The following PLXNB1 variants were observed in gnomAD, a reference collection of about 807,000 sequenced individuals.
PLXNB1 encodes plexin-B1.
Under a neutral mutation model 209.4 loss-of-function variants are expected in PLXNB1, and 106 were observed. That is an observed-to-expected ratio of 0.51 (90% CI 0.43 to 0.59). PLXNB1 has a LOEUF of 0.59. Among genes scored for constraint, PLXNB1 ranks in the 20% least tolerant of loss-of-function variants. PLXNB1 has a pLI of 0.00. For missense variants in PLXNB1, 2,357 were observed against 2,853.2 expected (o/e 0.83, Z 3.96); for synonymous variants, 1,167 against 1,183.2 (o/e 0.99, Z 0.28).
At position 48,415,362 on chromosome 3, in the gene PLXNB1, G is replaced by A. The variant is rs763176436; in HGVS notation, c.3795-15C>T. The A allele has an allele frequency of 3.7e-6, 6 of 1,610,196 alleles. No individual in the cohort carries two copies. The highest frequency in any genetic ancestry group is 1.3e-5 in the African/African-American group (1 of 74,946). The stretch of plus-strand genomic sequence containing the variant: ...CACGTCCTCCACTGAAACAGACCGT[G>A]AGCTTACGTAACGTAAGATGGCTTA... On this transcript the variant is annotated splice_polypyrimidine_tract_variant and intron_variant, in intron 19 of 37. Coordinates refer to ENST00000296440, the MANE Select transcript of PLXNB1 (RefSeq NM_001130082.3). The surrounding 1 kb of genome is among the most constrained non-coding windows in gnomAD (Gnocchi z 5.0).
rs773505268 is a variant in PLXNB1, at chr3:48,423,867, A to G, written c.745T>C (p.Ser249Pro). 6.2e-7 allele frequency: 1 copy of G among 1,613,986 alleles called. No individual in the cohort carries two copies. Residue 249 changes from serine (S) to proline (P), a missense_variant, in exon 3 of 38, where the codon TCT (serine) becomes CCT (proline). By Grantham distance (74) the Ser-to-Pro change is moderately conservative (BLOSUM62 -1). Around this residue, in one of 7 missense-constraint regions of PLXNB1, gnomAD observed 404 missense variants for 443.6 expected, o/e 0.91. Transcript: ENST00000296440. ...AQSRAFRAYV[S>P]RVCLRDQHYY... ...TGCTGGTCCCGGAGACACACTCGAG[A>G]TACATAGGCACGAAAAGCTCTAGAC...
intron 2 of PLXNB1, 148 bp from the exon 3 acceptor site, chr3:48,424,765 C>T: frequency 1.3e-6 from 1 of 782,404 alleles, no homozygotes; most frequent in Non-Finnish European, 2.0e-6. Context: ...CTTAGATAGG[C>T]ACTATGTCCA....
Position 48,413,736 on chromosome 3 carries a change from T to C in PLXNB1, c.4469A>G (p.Gln1490Arg). 1 of 1,613,604 alleles carries C rather than the reference T, an allele frequency of 6.2e-7. No homozygotes were observed. The highest frequency in any genetic ancestry group is 8.5e-7 in the Non-Finnish European group (1 of 1,180,004). ...AGAGGTGCCCACCCCCAAGCCCACC[T>C]GGGCTGCCACAGGAAAAGCCCCAGG... The part of the protein sequence containing the change: ...ESPGAFPVAA[Q>R]VGLGVGTSLL... Residue 1490 changes from glutamine to arginine, a missense_variant, in exon 23 of 38, where the codon CAG becomes CGG. Physicochemically the swap from Gln to Arg is conservative, Grantham distance 43. Coordinates refer to ENST00000296440, the MANE Select transcript of PLXNB1 (RefSeq NM_001130082.3). The surrounding 1 kb of genome is among the most constrained non-coding windows in gnomAD (Gnocchi z 5.4).
chr3:48,421,920 G>A, intron 6 of PLXNB1, 114 bp from the exon 7 acceptor site: 5 of 1,469,678 alleles, frequency 3.4e-6, no homozygotes, highest in Non-Finnish European at 4.6e-6. Flanking sequence ...GGGCATGATA[G>A]AGGCTCCTGT....
rs1165716118 is a variant in PLXNB1, at chr3:48,421,798, CGACTGCACCTGGGCGAGAT to C, written c.1521-11_1528del. The C allele has an allele frequency of 6.3e-7, 1 of 1,597,032 alleles. No individual in the cohort carries two copies. Among genetic ancestry groups the C allele is most frequent in the African/African-American group, 1.3e-5 (1 of 74,580 alleles). On this transcript the variant is annotated splice_acceptor_variant and splice_polypyrimidine_tract_variant and coding_sequence_variant and intron_variant, in exon 7 of 38. Transcript: ENST00000296440. LOFTEE classifies it high-confidence loss of function. The stretch of plus-strand genomic sequence containing the variant: ...CTGGCCCCTCGAGCACTCAGAACGG[CGACTGCACCTGGGCGAGAT>C]GACCAGTGTCTATCTGTGACCCTCA...
At position 48,420,954 on chromosome 3, in the gene PLXNB1, A is replaced by G. The variant is rs750793306; in HGVS notation, c.1813T>C (p.Tyr605His). Residue 605 changes from tyrosine to histidine, a missense_variant and splice_region_variant, in exon 9 of 38, where the codon TAC becomes CAC. By Grantham distance (83) the Tyr-to-His change is moderately conservative (BLOSUM62 2). Around this residue, in one of 7 missense-constraint regions of PLXNB1, gnomAD observed 214 missense variants for 297.1 expected, o/e 0.72. Coordinates refer to ENST00000296440, the MANE Select transcript of PLXNB1 (RefSeq NM_001130082.3). Reference sequence around the variant, plus strand: ...CTGAGCTCCACGCTCACGGATACGTAGTCTGCAGAGGGGGAGAGAGGGCCA... The same window carrying G: ...CTGAGCTCCACGCTCACGGATACGTGGTCTGCAGAGGGGGAGAGAGGGCCA... ...EAPVLPRGAD[Y>H]VSVSVELRFG... 6.2e-7 allele frequency: 1 copy of G among 1,611,884 alleles called. No homozygotes were observed. The highest frequency in any genetic ancestry group is 8.5e-7 in the Non-Finnish European group (1 of 1,178,162).
rs1326799255 is a variant in PLXNB1 at position 48,405,197 on chromosome 3, C to T, written c.6303+527G>A. ...CATCTCTGAGCAGCAATAGCCATGT[C>T]ACTGGTGCCACACAAACATCTAAGT... On this transcript the variant is annotated intron_variant, in intron 37 of 37. Transcript: ENST00000296440. This position sits in a 1 kb window ranked among gnomAD's most constrained non-coding sequence, Gnocchi z 5.0. 6.6e-6 allele frequency among the ~76,000 whole-genome samples: 1 copy of T among 152,224 alleles called. No individual in the cohort carries two copies. Among genetic ancestry groups the T allele is most frequent in the Non-Finnish European group, 1.5e-5 (1 of 68,028 alleles).
intron 1 of PLXNB1, among the ~76,000 whole-genome samples, chr3:48,428,805 G>A (rs1334408221): frequency 1.3e-5 from 2 of 152,160 alleles, no homozygotes; most frequent in Non-Finnish European, 2.9e-5. Context: ...TGTGTGGAGA[G>A]GAGGGTCCCC....
chr3:48,428,060 G>A lies in PLXNB1; in HGVS notation c.-60+1948C>T, dbSNP rs556019705. Among the ~76,000 whole-genome samples the A allele has an allele frequency of 2.6e-5, 4 of 152,270 alleles. No individual in the cohort carries two copies. The South Asian group carries it at 8.3e-4, about 32-fold the overall frequency. On this transcript the variant is annotated intron_variant, in intron 1 of 37. Coordinates refer to ENST00000296440, the MANE Select transcript of PLXNB1 (RefSeq NM_001130082.3). ...CTTGAAGGCAGGGAGTATGGCTTCT[G>A]ATTCAGAGGCCCCAGCAACTTACAC...
chr3:48,405,773 C>T lies in PLXNB1; in HGVS notation c.6254G>A (p.Arg2085Gln), dbSNP rs752153932. Reference sequence around the variant, plus strand: ...CTTGTAGAGTTCATGCAGGGCCACTCGCGCCCCGAGGTCTCCGGAGTAGTT... The same window carrying T: ...CTTGTAGAGTTCATGCAGGGCCACTTGCGCCCCGAGGTCTCCGGAGTAGTT... The part of the protein sequence containing the change: ...SWNYSGDLGA[R>Q]VALHELYKYI... The change falls in exon 37 of 38, where the codon CGA becomes CAA. Residue 2085 changes from arginine (R) to glutamine (Q), a missense_variant. By Grantham distance (43) the Arg-to-Gln change is conservative. Coordinates refer to ENST00000296440, the MANE Select transcript of PLXNB1 (RefSeq NM_001130082.3). This position sits in a 1 kb window ranked among gnomAD's most constrained non-coding sequence, Gnocchi z 5.0. 47 of 1,613,542 alleles carry T rather than the reference C, an allele frequency of 2.9e-5. No individual in the cohort carries two copies. The highest frequency in any genetic ancestry group is 1.6e-4 in the Middle Eastern group (1 of 6,076).
intron 1 of PLXNB1, among the ~76,000 whole-genome samples, chr3:48,428,418 C>T (rs560839528): frequency 1.3e-5 from 2 of 152,286 alleles, no homozygotes; most frequent in African/African-American, 4.8e-5. Context: ...TCTTCTGGGG[C>T]CACCCTACTC....
At position 48,405,794 on chromosome 3, in the gene PLXNB1, T is replaced by C; in HGVS notation, c.6233A>G (p.Tyr2078Cys). ...NSVLAELSWNYSGDLGARVAL... is the reference protein window; with the variant it reads ...NSVLAELSWNCSGDLGARVAL... ...CACTCGCGCCCCGAGGTCTCCGGAG[T>C]AGTTCTAGGGAAGAGGCCAAATGAA... The change falls in exon 37 of 38, where the codon TAC becomes TGC. Residue 2078 changes from tyrosine to cysteine, a missense_variant. Transcript: ENST00000296440. This position sits in a 1 kb window ranked among gnomAD's most constrained non-coding sequence, Gnocchi z 5.0. 2 of 1,612,572 alleles carry C rather than the reference T, an allele frequency of 1.2e-6. No individual in the cohort carries two copies. Among genetic ancestry groups the C allele is most frequent in the African/African-American group, 2.7e-5 (2 of 74,780 alleles).
Position 48,412,016 on chromosome 3 carries a change from G to C in PLXNB1, c.5101-7C>G. 1 of 1,613,778 alleles carries C rather than the reference G, an allele frequency of 6.2e-7. No individual in the cohort carries two copies. Among genetic ancestry groups the C allele is most frequent in the Non-Finnish European group, 8.5e-7 (1 of 1,179,868 alleles). Reference sequence around the variant, plus strand: ...GAGGCTCCCCTACGGAGTCCTAGGAGAGCACAGGCAGTTAGGGCCCCCCAG... The same window carrying C: ...GAGGCTCCCCTACGGAGTCCTAGGACAGCACAGGCAGTTAGGGCCCCCCAG... On this transcript the variant is annotated splice_polypyrimidine_tract_variant and splice_region_variant and intron_variant, in intron 27 of 37. Coordinates refer to ENST00000296440, the MANE Select transcript of PLXNB1 (RefSeq NM_001130082.3).
At chr3:48,414,217 G>A (rs6794875) in intron 21 of PLXNB1, 146 bp from the exon 22 acceptor site, 389,552 of 688,614 alleles carry the variant, frequency 0.57, 112,260 homozygotes, top group Admixed American at 0.7. Context: ...CCAGTCACAC[G>A]GTGTCCTCCA....
chr3:48,409,178 T>G lies in PLXNB1; in HGVS notation c.6087+151A>C. ...CCTCCTCTTGCTCATCCCTTAAAAC[T>G]GAGGTGGCCCCGGGATGAAGCCTTG... On this transcript the variant is annotated intron_variant, in intron 34 of 37. Coordinates refer to ENST00000296440, the MANE Select transcript of PLXNB1 (RefSeq NM_001130082.3). This position sits in a 1 kb window ranked among gnomAD's most constrained non-coding sequence, Gnocchi z 5.8. The G allele has an allele frequency of 1.2e-6, 1 of 837,950 alleles. No homozygotes were observed. The highest frequency in any genetic ancestry group is 1.8e-5 in the South Asian group (1 of 55,332). 51.9% of individuals were successfully genotyped at this position (837,950 alleles called of 1,614,324 possible). A position where few individuals can be genotyped will look rare whatever the true frequency, so the allele number is the denominator to read the frequency against.
intron 10 of PLXNB1, among the ~76,000 whole-genome samples, 180 bp from the exon 11 acceptor site, chr3:48,420,437 G>A (rs918722595): frequency 7.2e-5 from 11 of 152,164 alleles, no homozygotes; most frequent in African/African-American, 1.9e-4. Context: ...TGTCTGTGCC[G>A]AGGTGGGGCA....
At chr3:48,414,762 G>A in intron 21 of PLXNB1, 37 bp downstream of exon 21, 6 of 1,602,140 alleles carry the variant, frequency 3.7e-6, no homozygotes, top group Non-Finnish European at 5.1e-6. Context: ...CAAGGGAAGG[G>A]TCTCGGGGCC....
Position 48,404,485 on chromosome 3 carries a change from C to T in PLXNB1, c.*1G>A. The T allele has an allele frequency of 6.2e-7, 1 of 1,605,398 alleles. No individual in the cohort carries two copies. Among genetic ancestry groups the T allele is most frequent in the Non-Finnish European group, 8.5e-7 (1 of 1,172,952 alleles). ...AACAGCAGGCCGTGGCTCCTGGGTT[C>T]CTATAGATCTGTGACCTTGTTTTCC... is the stretch of plus-strand genomic sequence containing the variant. On this transcript the variant is annotated 3_prime_UTR_variant, in exon 38 of 38. Transcript: ENST00000296440.
At chr3:48,408,239 G>A (rs562235051) in intron 34 of PLXNB1, among the ~76,000 whole-genome samples, 41 of 152,018 alleles carry the variant, frequency 2.7e-4, no homozygotes, top group Non-Finnish European at 5.7e-4. Flanking sequence ...TCAAACTCCT[G>A]AGCTCCTCAG....
Sources: allele counts gnomAD v4.1 joint callset (sites outside exome capture counted in the v4.1 genomes callset), GRCh38; gene constraint gnomAD v4.1.1; regional missense constraint gnomAD v4.1.1; non-coding constraint Gnocchi (gnomAD v3.1); transcripts MANE v1.5; gene names NCBI Gene and HGNC (gene_info 2026-07-23, HGNC 2026-07-21).